SYT9: variants seen among roughly 807,000 people sequenced by gnomAD.
SYT9 encodes the protein synaptotagmin 9, also known as synaptotagmin-9.
Under a neutral mutation model 48.4 loss-of-function variants are expected in SYT9, and 22 were observed. That is an observed-to-expected ratio of 0.45 (90% CI 0.32 to 0.65). SYT9 has a LOEUF of 0.65. SYT9 is among the 30% of genes least tolerant of loss of function. The pLI, the probability that SYT9 is intolerant of heterozygous loss-of-function variation, is 0.03. For missense variants in SYT9, 577 were observed against 622.0 expected (o/e 0.93, Z 0.77); for synonymous variants, 265 against 245.0 (o/e 1.08, Z -0.76).
At chr11:7,333,501 A>C (rs1040923070) in intron 3 of SYT9, among the ~76,000 whole-genome samples, 8 of 152,226 alleles carry the variant, frequency 5.3e-5, no homozygotes, top group African/African-American at 1.9e-4. Flanking sequence ...CTGACTTTAA[A>C]AACTGAACAG....
chr11:7,245,379 T>A (rs1386585283), intron 1 of SYT9, among the ~76,000 whole-genome samples: 4 of 152,186 alleles, frequency 2.6e-5, no homozygotes, highest in Non-Finnish European at 5.9e-5. Flanking sequence ...TGTAGGTGAC[T>A]TCAAAGATCT....
chr11:7,376,570 TG>T (rs766612802), intron 3 of SYT9, among the ~76,000 whole-genome samples: 18 of 152,216 alleles, frequency 1.2e-4, no homozygotes, highest in Non-Finnish European at 2.6e-4. Context: ...TGCCCTAGTT[TG>T]TCAGCCAAAC....
rs950565469 is a variant in SYT9, at chr11:7,252,084, G to T, written c.-103G>T. ...CGCACCGTTTCTCGGCAGGTCCCTG[G>T]CGGTGAGCGCGGACGGCCCGGAGGC... is the stretch of plus-strand genomic sequence containing the variant. On this transcript the variant is annotated 5_prime_UTR_variant, in exon 1 of 7. Coordinates refer to ENST00000318881, the MANE Select transcript of SYT9 (RefSeq NM_175733.4). The surrounding 1 kb of genome is among the most constrained non-coding windows in gnomAD (Gnocchi z 6.3). 5 of 1,260,392 alleles carry T rather than the reference G, an allele frequency of 4.0e-6. No individual in the cohort carries two copies. Among genetic ancestry groups the T allele is most frequent in the Middle Eastern group, 3.0e-4 (1 of 3,364 alleles). 78.1% of individuals were successfully genotyped at this position (1,260,392 alleles called of 1,614,324 possible).
At chr11:7,244,708 T>C (rs1293244520) in intron 1 of SYT9, among the ~76,000 whole-genome samples, 6 of 152,222 alleles carry the variant, frequency 3.9e-5, no homozygotes, top group Non-Finnish European at 8.8e-5. Flanking sequence ...ATCTGGCAAG[T>C]AACTGAATAA....
At chr11:7,450,366 TACTC>T (rs1848025371) in intron 6 of SYT9, 1 of 152,202 alleles carries the variant, frequency 6.6e-6, no homozygotes, top group African/African-American at 2.4e-5. Flanking sequence ...CACATGTTTC[TACTC>T]ACCCCCTTGA....
At chr11:7,377,560 T>C (rs1589982946) in intron 3 of SYT9, among the ~76,000 whole-genome samples, 1 of 152,268 alleles carries the variant, frequency 6.6e-6, no homozygotes, top group Non-Finnish European at 1.5e-5. Flanking sequence ...TTTATTTTTT[T>C]TTCTTTTTCC....
At chr11:7,409,401 A>G (rs1847089443) in intron 3 of SYT9, among the ~76,000 whole-genome samples, 1 of 151,976 alleles carries the variant, frequency 6.6e-6, no homozygotes, top group African/African-American at 2.4e-5. Context: ...ACTTGAGGAG[A>G]GGTCTTTCCA....
chr11:7,248,169 ATTGT>A (rs1255373707), upstream of SYT9, among the ~76,000 whole-genome samples: 12 of 150,826 alleles, frequency 8.0e-5, no homozygotes, highest in African/African-American at 2.9e-4. Context: ...TTTTGATGGG[ATTGT>A]TTGTTTTTTT....
intron 3 of SYT9, among the ~76,000 whole-genome samples, chr11:7,415,638 G>A (rs1847228852): frequency 6.6e-6 from 1 of 152,042 alleles, no homozygotes; most frequent in Admixed American, 6.6e-5. Flanking sequence ...TGACTTAGAG[G>A]CTCTGTGTGC....
At chr11:7,372,994 G>A (rs1268540108) in intron 3 of SYT9, among the ~76,000 whole-genome samples, 1 of 151,952 alleles carries the variant, frequency 6.6e-6, no homozygotes, top group Admixed American at 6.6e-5. Flanking sequence ...CTATTGAGAT[G>A]TTTGCATAAT....
intron 6 of SYT9, among the ~76,000 whole-genome samples, chr11:7,446,060 A>G (rs752905688): frequency 1.3e-5 from 2 of 152,268 alleles, no homozygotes; most frequent in Non-Finnish European, 2.9e-5. Flanking sequence ...GGGAGCCCCA[A>G]GCTGGGAACC....
chr11:7,291,328 A>C (rs987046111), intron 1 of SYT9, among the ~76,000 whole-genome samples: 17 of 152,234 alleles, frequency 1.1e-4, no homozygotes, highest in Non-Finnish European at 2.1e-4. Context: ...ACATGGTTTC[A>C]GTATTCATCA....
chr11:7,355,739 G>C (rs994847893), intron 3 of SYT9, among the ~76,000 whole-genome samples: 4 of 152,220 alleles, frequency 2.6e-5, no homozygotes, highest in Non-Finnish European at 4.4e-5. Flanking sequence ...ATGATATATA[G>C]ACAGAAAGGA....
chr11:7,433,021 G>A (rs7951299), intron 6 of SYT9, among the ~76,000 whole-genome samples: 55,656 of 151,604 alleles, frequency 0.37, 10,326 homozygotes, highest in Middle Eastern at 0.47. Context: ...GTTGGAGGCA[G>A]GACCTGGTGA....
At chr11:7,392,974 G>C (rs1382249346) in intron 3 of SYT9, among the ~76,000 whole-genome samples, 1 of 152,076 alleles carries the variant, frequency 6.6e-6, no homozygotes, top group Admixed American at 6.6e-5. Context: ...TACTGAAGTT[G>C]TTTATCAGGT....
rs147212385 is a variant in SYT9 at position 7,287,792 on chromosome 11, A to G, written c.146-15247A>G. 3.9e-5 allele frequency among the ~76,000 whole-genome samples: 6 copies of G among 152,332 alleles called. No homozygotes were observed. The East Asian group carries it at 9.6e-4, about 24-fold the overall frequency. ...ACTTTTTCTTTCTTATTTTGGGACA[A>G]TGAGATAATGGCTCTCTTCTAGCTT... On this transcript the variant is annotated intron_variant, in intron 1 of 6. Coordinates refer to ENST00000318881, the MANE Select transcript of SYT9 (RefSeq NM_175733.4).
intron 6 of SYT9, among the ~76,000 whole-genome samples, chr11:7,458,201 C>T (rs1848180698): frequency 6.6e-6 from 1 of 152,202 alleles, no homozygotes; most frequent in South Asian, 2.1e-4. Context: ...TAAAATAGGG[C>T]CGGGTGCGGT....
intron 3 of SYT9, among the ~76,000 whole-genome samples, chr11:7,334,692 C>T (rs1849604022): frequency 1.1e-5 from 1 of 94,954 alleles, no homozygotes; most frequent in Non-Finnish European, 2.2e-5. Context: ...TGTCACACTA[C>T]ATTAGTTTAG....
intron 3 of SYT9, among the ~76,000 whole-genome samples, chr11:7,332,475 A>G (rs896277759): frequency 6.6e-6 from 1 of 152,234 alleles, no homozygotes; most frequent in African/African-American, 2.4e-5. Flanking sequence ...GGTCTATTGC[A>G]GTGTGACAGG....
Sources: allele counts gnomAD v4.1 joint callset (sites outside exome capture counted in the v4.1 genomes callset), GRCh38; gene constraint gnomAD v4.1.1; non-coding constraint Gnocchi (gnomAD v3.1); transcripts MANE v1.5; gene names NCBI Gene and HGNC (gene_info 2026-07-23, HGNC 2026-07-21).